The following PLEKHH2 variants were observed in gnomAD, a reference collection of about 807,000 sequenced individuals.
The protein encoded by PLEKHH2 is pleckstrin homology domain-containing family H member 2.
A neutral mutation model predicts 187.9 loss-of-function variants in PLEKHH2; 129 were observed. That is an observed-to-expected ratio of 0.69 (90% CI 0.59 to 0.79). PLEKHH2 has a LOEUF of 0.79. Ranked by LOEUF, PLEKHH2 falls within the 30% of genes least tolerant of loss-of-function variation. The pLI, the probability that PLEKHH2 is intolerant of heterozygous loss-of-function variation, is 0.00. For missense variants in PLEKHH2, 2,076 were observed against 1,751.2 expected, an observed-to-expected ratio of 1.19 and a Z score of -3.31; for synonymous variants, 686 against 605.6, an observed-to-expected ratio of 1.13 and a Z score of -1.95.
intron 2 of PLEKHH2, among the ~76,000 whole-genome samples, chr2:43,670,088 A>T (rs771535540): frequency 7.2e-5 from 11 of 152,188 alleles, no homozygotes; most frequent in Admixed American, 1.3e-4. Flanking sequence ...CATATTTTTC[A>T]TCAAAATACT....
chr2:43,689,138 C>G (rs1668673551), intron 3 of PLEKHH2, among the ~76,000 whole-genome samples: 2 of 152,310 alleles, frequency 1.3e-5, no homozygotes, highest in South Asian at 4.1e-4. Context: ...GGTTGTCTCC[C>G]AAGAGCCAGT....
intron 17 of PLEKHH2, among the ~76,000 whole-genome samples, chr2:43,729,239 G>A (rs1670923063): frequency 6.6e-6 from 1 of 152,102 alleles, no homozygotes; most frequent in Non-Finnish European, 1.5e-5. Flanking sequence ...GATAAGACGG[G>A]TATTATGTTT....
At chr2:43,760,150 G>A (rs991001986) in intron 27 of PLEKHH2, among the ~76,000 whole-genome samples, 2 of 152,068 alleles carry the variant, frequency 1.3e-5, no homozygotes, top group South Asian at 4.1e-4. Flanking sequence ...AGCATTGGAA[G>A]TAATATTAAA....
chr2:43,763,483 G>A (rs1182835497), intron 28 of PLEKHH2, among the ~76,000 whole-genome samples: 1 of 151,838 alleles, frequency 6.6e-6, no homozygotes, highest in Non-Finnish European at 1.5e-5. Flanking sequence ...GCGGTGGTGT[G>A]ATCACTGCTC....
At chr2:43,728,350 G>A (rs539233778) in intron 17 of PLEKHH2, among the ~76,000 whole-genome samples, 6 of 151,026 alleles carry the variant, frequency 4.0e-5, no homozygotes, top group Non-Finnish European at 5.9e-5. Context: ...GTGGTGACAG[G>A]TTCCTGTAAT....
rs1021786426 is a variant in PLEKHH2, at chr2:43,641,262, A to G, written c.-3-3409A>G. 4.6e-5 allele frequency among the ~76,000 whole-genome samples: 7 copies of G among 152,064 alleles called. 1 individual carries two copies. Among genetic ancestry groups the G allele is most frequent in the Admixed American group, 4.6e-4 (7 of 15,274 alleles). The stretch of plus-strand genomic sequence containing the variant: ...GTCCTTTGAAGGACAAAAATTTAAA[A>G]ATTTTTATGAAGTCCAATTTATCTA... On this transcript the variant is annotated intron_variant, in intron 1 of 29. Coordinates refer to ENST00000282406, the MANE Select transcript of PLEKHH2 (RefSeq NM_172069.4).
chr2:43,744,960 C>A (rs1014856003), intron 23 of PLEKHH2, among the ~76,000 whole-genome samples: 4 of 150,882 alleles, frequency 2.7e-5, no homozygotes, highest in South Asian at 4.2e-4. Context: ...TTAAAAGAAT[C>A]TTTTCCAGAT....
At chr2:43,710,197 T>A (rs200020594) in intron 12 of PLEKHH2, 23 bp from the exon 13 acceptor site, 1 of 1,611,636 alleles carries the variant, frequency 6.2e-7, no homozygotes, top group East Asian at 2.2e-5. Flanking sequence ...TGAAAATGCT[T>A]TTGTCTATCT....
intron 2 of PLEKHH2, among the ~76,000 whole-genome samples, chr2:43,669,683 T>A (rs1012754915): frequency 6.6e-6 from 1 of 151,662 alleles, no homozygotes; most frequent in African/African-American, 2.4e-5. Flanking sequence ...AATGCTTTAA[T>A]GAGAAATGAA....
At chr2:43,692,452 G>C (rs1410736280) in intron 3 of PLEKHH2, 62 bp from the exon 4 acceptor site, 1 of 1,349,836 alleles carries the variant, frequency 7.4e-7, no homozygotes, top group East Asian at 2.3e-5. Context: ...TAAAATTCTA[G>C]GTTTAATACT....
intron 28 of PLEKHH2, among the ~76,000 whole-genome samples, chr2:43,764,016 A>T (rs1046233726): frequency 6.6e-6 from 1 of 151,988 alleles, no homozygotes; most frequent in African/African-American, 2.4e-5. Flanking sequence ...CTTGTTTCGG[A>T]CTCAACATTG....
At chr2:43,653,024 A>G (rs1666565519) in intron 2 of PLEKHH2, among the ~76,000 whole-genome samples, 1 of 152,174 alleles carries the variant, frequency 6.6e-6, no homozygotes, top group Admixed American at 6.5e-5. Flanking sequence ...AAAGCAAAAC[A>G]TTAAAGAGAT....
chr2:43,670,264 T>A (rs1667432180), intron 2 of PLEKHH2, among the ~76,000 whole-genome samples: 1 of 152,176 alleles, frequency 6.6e-6, no homozygotes, highest in Non-Finnish European at 1.5e-5. Flanking sequence ...GCACATATGA[T>A]CCAAGGACTT....
At chr2:43,710,458 C>T (rs1174453040) in intron 13 of PLEKHH2, 31 bp from the exon 14 acceptor site, 7 of 1,587,028 alleles carry the variant, frequency 4.4e-6, no homozygotes, top group Non-Finnish European at 6.0e-6. Context: ...TAAAGTTAAT[C>T]ACTTTCCATT....
chr2:43,655,271 G>T (rs992762132), intron 2 of PLEKHH2, among the ~76,000 whole-genome samples: 1 of 152,036 alleles, frequency 6.6e-6, no homozygotes, highest in African/African-American at 2.4e-5. Flanking sequence ...GCAAGGAAAT[G>T]TTGGGGATAA....
intron 2 of PLEKHH2, among the ~76,000 whole-genome samples, chr2:43,672,179 T>C (rs1667526602): frequency 6.6e-6 from 1 of 152,234 alleles, no homozygotes; most frequent in East Asian, 1.9e-4. Context: ...AAGTATTTCA[T>C]AATATTGTTA....
chr2:43,716,472 C>T (rs1216889344), intron 15 of PLEKHH2, among the ~76,000 whole-genome samples: 3 of 152,040 alleles, frequency 2.0e-5, no homozygotes, highest in Admixed American at 1.3e-4. Flanking sequence ...AGGATGTACC[C>T]AAGGATAAAT....
At chr2:43,686,678 A>G (rs1227698471) in intron 3 of PLEKHH2, among the ~76,000 whole-genome samples, 2 of 152,222 alleles carry the variant, frequency 1.3e-5, no homozygotes. Flanking sequence ...CTTTATAATC[A>G]TGGAGTACTA....
At chr2:43,669,228 T>C (rs1667380104) in intron 2 of PLEKHH2, among the ~76,000 whole-genome samples, 1 of 152,140 alleles carries the variant, frequency 6.6e-6, no homozygotes, top group Non-Finnish European at 1.5e-5. Context: ...TATGAAAAGA[T>C]AGTATACAAA....
Sources: gnomAD v4.1 joint callset for allele counts (sites outside exome capture counted in the v4.1 genomes callset) on GRCh38, gnomAD v4.1.1 for gene constraint, MANE v1.5 for transcripts, NCBI Gene and HGNC (gene_info 2026-07-23, HGNC 2026-07-21) for gene names.